DOP1A: variants seen among roughly 807,000 people sequenced by gnomAD.
DOP1A encodes DOP1 leucine zipper like protein A.
Under a neutral mutation model 267.6 loss-of-function variants are expected in DOP1A, and 90 were observed. That is an observed-to-expected ratio of 0.34 (90% confidence interval 0.28 to 0.40). The LOEUF (loss-of-function observed/expected upper bound fraction) is 0.40, where lower values mean the gene tolerates loss of function less well. Ranked by LOEUF, DOP1A falls within the 10% of genes least tolerant of loss-of-function variation. The probability of loss-of-function intolerance (pLI) is 1.00; values close to 1 mark genes in which losing one functional copy is unlikely to be tolerated. For missense variants in DOP1A, 2,437 were observed against 2,900.4 expected (o/e 0.84, Z 3.67); for synonymous variants, 932 against 999.1 (o/e 0.93, Z 1.27).
At chr6:83,082,037 G>T (rs1209552520) in intron 1 of DOP1A, among the ~76,000 whole-genome samples, 1 of 152,076 alleles carries the variant, frequency 6.6e-6, no homozygotes, top group Admixed American at 6.5e-5. Flanking sequence ...AAGTGTTAGA[G>T]AGGATGTGGA....
intron 24 of DOP1A, among the ~76,000 whole-genome samples, chr6:83,143,737 G>T (rs944243353): frequency 6.6e-6 from 1 of 152,078 alleles, no homozygotes; most frequent in African/African-American, 2.4e-5. Flanking sequence ...CGAGAAAAGA[G>T]ATAAGAATAT....
chr6:83,092,205 GGATT>G (rs1205902270), intron 1 of DOP1A, among the ~76,000 whole-genome samples: 3 of 151,028 alleles, frequency 2.0e-5, no homozygotes, highest in Non-Finnish European at 4.4e-5. Context: ...TAGAAACCAT[GGATT>G]GATAATGAAA....
intron 3 of DOP1A, 80 bp from the exon 4 acceptor site, chr6:83,100,625 A>T (rs1772398510): frequency 2.0e-6 from 2 of 1,022,520 alleles, no homozygotes; most frequent in South Asian, 6.4e-5. Flanking sequence ...ATCATTTTTT[A>T]TAATACTATG....
chr6:83,121,876 C>A, intron 10 of DOP1A, 54 bp from the exon 11 acceptor site: 1 of 1,516,680 alleles, frequency 6.6e-7, no homozygotes, highest in Non-Finnish European at 8.9e-7. Flanking sequence ...TTCAGATAAG[C>A]ATGATTTGCT....
intron 24 of DOP1A, among the ~76,000 whole-genome samples, chr6:83,144,772 CAT>C (rs778903533): frequency 3.7e-4 from 56 of 151,776 alleles, no homozygotes; most frequent in Admixed American, 3.3e-4. Flanking sequence ...TGGAAAAGAA[CAT>C]AAAGAGTTGA....
At chr6:83,126,112 C>T (rs1484370269) in intron 15 of DOP1A, among the ~76,000 whole-genome samples, 1 of 150,330 alleles carries the variant, frequency 6.7e-6, no homozygotes, top group East Asian at 1.9e-4. Flanking sequence ...TTTTTGTACT[C>T]TCTTCAAGAT....
downstream of DOP1A, chr6:83,168,986 G>A (rs576875553): frequency 5.9e-4 from 748 of 1,272,420 alleles, no homozygotes; most frequent in Non-Finnish European, 6.9e-4. Context: ...TGACTGAATT[G>A]TATACTTAAG....
chr6:83,148,355 G>C (rs1331559329), intron 26 of DOP1A, among the ~76,000 whole-genome samples: 1 of 151,924 alleles, frequency 6.6e-6, no homozygotes, highest in Non-Finnish European at 1.5e-5. Context: ...TGGAGGCTGC[G>C]GTGAGCCGAG....
intron 37 of DOP1A, 46 bp from the exon 38 acceptor site, chr6:83,162,744 C>T: frequency 6.4e-7 from 1 of 1,558,130 alleles, no homozygotes. Flanking sequence ...TCTTAGATGG[C>T]ACAAAGTCTG....
chr6:83,140,111 A>G lies in DOP1A; in HGVS notation c.5232A>G (p.Gln1744=), dbSNP rs903564759. The change falls in exon 22 of 39, where the codon CAA becomes CAG. Residue 1744 remains glutamine (Q), a splice_region_variant and synonymous_variant. Transcript: ENST00000349129. ...CLLDPTTQYH[Q]LLVSVDQKHL... ...TGGATCCAACTACACAGTATCACCAAGTAAGACTGCACAAATATTTGACTT... is the reference window on the plus strand; with the variant it reads ...TGGATCCAACTACACAGTATCACCAGGTAAGACTGCACAAATATTTGACTT... 1.1e-5 allele frequency: 17 copies of G among 1,610,522 alleles called. No homozygotes were observed. The highest frequency in any genetic ancestry group is 1.4e-5 in the Non-Finnish European group (17 of 1,177,542).
intron 38 of DOP1A, chr6:83,165,767 T>G: frequency 4.1e-6 from 1 of 246,410 alleles, no homozygotes; most frequent in Admixed American, 4.0e-5. Context: ...GAAGCGTTGG[T>G]TGTGCAACGT....
intron 26 of DOP1A, among the ~76,000 whole-genome samples, chr6:83,147,742 C>T (rs987675109): frequency 1.3e-5 from 2 of 152,178 alleles, no homozygotes; most frequent in African/African-American, 4.8e-5. Context: ...ATTCACCAAA[C>T]TCAGCCTCCA....
chr6:83,128,868 T>C lies in DOP1A; in HGVS notation c.1720-19T>C. 1 of 1,512,522 alleles carries C rather than the reference T, an allele frequency of 6.6e-7. No homozygotes were observed. Among genetic ancestry groups the C allele is most frequent in the East Asian group, 2.3e-5 (1 of 43,858 alleles). The allele number at this position is 1,512,522 out of a possible 1,614,324, so 93.7% of individuals were successfully genotyped here. The stretch of plus-strand genomic sequence containing the variant: ...CACTTTGCTACTCAGCCTTTTGTTT[T>C]CTTAAAAATCTCTAACAGGTATCAT... On this transcript the variant is annotated intron_variant, in intron 15 of 38. Coordinates refer to ENST00000349129, the MANE Select transcript of DOP1A (RefSeq NM_015018.4).
chr6:83,140,476 G>T, intron 23 of DOP1A, 73 bp downstream of exon 23: 2 of 1,212,372 alleles, frequency 1.6e-6, no homozygotes, highest in Non-Finnish European at 2.3e-6. Flanking sequence ...TTCAGAATAT[G>T]TGAATAATTT....
chr6:83,145,654 A>G lies in DOP1A; in HGVS notation c.5672A>G (p.Asp1891Gly), dbSNP rs772950200. Residue 1891 changes from aspartate to glycine, a missense_variant, in exon 25 of 39, where the codon GAC becomes GGC. By Grantham distance (94) the Asp-to-Gly change is moderately conservative (BLOSUM62 -1). This residue lies in a region of DOP1A where 307 missense variants were observed against 308.6 expected (regional missense o/e 0.99). Transcript: ENST00000349129. ...AAGCAGCCACCAGCCATAGCCAAGGACAAGGTAAGAAAAAACTCTTCTTCA... is the reference window on the plus strand; with the variant it reads ...AAGCAGCCACCAGCCATAGCCAAGGGCAAGGTAAGAAAAAACTCTTCTTCA... ...VLKQPPAIAKDKKHLSLEVCM... is the reference protein window; with the variant it reads ...VLKQPPAIAKGKKHLSLEVCM... 2 of 1,611,248 alleles carry G rather than the reference A, an allele frequency of 1.2e-6. No homozygotes were observed. The highest frequency in any genetic ancestry group is 2.2e-5 in the South Asian group (2 of 90,392).
chr6:83,148,801 G>A lies in DOP1A; in HGVS notation c.5775G>A (p.Leu1925=). The change falls in exon 27 of 39, where the codon TTG becomes TTA. Residue 1925 remains leucine (L), a synonymous_variant. Coordinates refer to ENST00000349129, the MANE Select transcript of DOP1A (RefSeq NM_015018.4). The part of the protein sequence containing the change: ...PNLVDSWASL[L]ILLKDSIQLS... ...TAGTGGATAGCTGGGCGTCACTGTT[G>A]ATACTTCTGAAAGACTCTATACAAC... The A allele has an allele frequency of 6.4e-7, 1 of 1,562,974 alleles. No individual in the cohort carries two copies. The highest frequency in any genetic ancestry group is 8.6e-7 in the Non-Finnish European group (1 of 1,163,100).
In DOP1A at chr6:83,150,778, T is replaced by C. The variant is rs1023279659; in HGVS notation, c.5838-815T>C. 6.6e-5 allele frequency among the ~76,000 whole-genome samples: 10 copies of C among 152,230 alleles called. No homozygotes were observed. The East Asian group carries it at 1.9e-3, about 29-fold the overall frequency. On this transcript the variant is annotated intron_variant, in intron 27 of 38. Transcript: ENST00000349129. ...ATGTGTTATGGGAAGAAATCATTTC[T>C]GTATTACAATTTAAGATTTTTTAAA...
intron 1 of DOP1A, among the ~76,000 whole-genome samples, chr6:83,069,280 G>A (rs984660671): frequency 4.6e-5 from 7 of 152,158 alleles, no homozygotes; most frequent in African/African-American, 1.7e-4. Flanking sequence ...CCCCAAAGCA[G>A]TGTTCAATGG....
intron 9 of DOP1A, 147 bp from the exon 10 acceptor site, chr6:83,120,536 A>C: frequency 4.1e-6 from 2 of 488,358 alleles, no homozygotes; most frequent in East Asian, 3.4e-5. Context: ...CAGAGTAAGA[A>C]GGCCAAGGTT....
Sources: allele counts gnomAD v4.1 joint callset (sites outside exome capture counted in the v4.1 genomes callset), GRCh38; gene constraint gnomAD v4.1.1; regional missense constraint gnomAD v4.1.1; transcripts MANE v1.5; gene names NCBI Gene and HGNC (gene_info 2026-07-23, HGNC 2026-07-21).